Variants in DMD observed in about 807,000 individuals in gnomAD.
The protein encoded by DMD is dystrophin.
DMD carries 63 observed loss-of-function variants against 330.1 expected under a neutral mutation model. The observed-to-expected ratio is 0.19, with a 90% CI of 0.16 to 0.24. The LOEUF (loss-of-function observed/expected upper bound fraction) is 0.24. Among genes scored for constraint, DMD ranks in the 10% least tolerant of loss-of-function variants. The pLI is 1.00. For missense variants in DMD, 3,344 were observed against 2,684.1 expected (o/e 1.25, Z -5.43); for synonymous variants, 1,223 against 959.8 (o/e 1.27, Z -5.07).
chrX:31,983,337 A>G (rs1180241786), intron 44 of DMD, among the ~76,000 whole-genome samples: 4 of 111,268 alleles, frequency 3.6e-5, no homozygotes, highest in Non-Finnish European at 7.6e-5. Context: ...ACAAAACTCA[A>G]TATTTCATTT....
intron 55 of DMD, among the ~76,000 whole-genome samples, chrX:31,529,824 T>C (rs2073573936): frequency 9.1e-6 from 1 of 110,034 alleles, no homozygotes; most frequent in African/African-American, 3.3e-5. Context: ...TGAGCCTGTG[T>C]GTAGCAAAGA....
intron 50 of DMD, among the ~76,000 whole-genome samples, chrX:31,807,772 G>A (rs1356935918): frequency 1.8e-5 from 2 of 111,409 alleles, no homozygotes; most frequent in African/African-American, 6.5e-5. Context: ...ACAAAAGCAT[G>A]CACAATATGG....
intron 50 of DMD, among the ~76,000 whole-genome samples, chrX:31,777,981 T>C (rs2090773700): frequency 8.9e-6 from 1 of 112,201 alleles, no homozygotes; most frequent in South Asian, 3.7e-4. Flanking sequence ...CACCCATGTC[T>C]ATTGTGCATT....
At chrX:32,018,953 G>A (rs2095787737) in intron 44 of DMD, among the ~76,000 whole-genome samples, 1 of 111,703 alleles carries the variant, frequency 9.0e-6, no homozygotes, top group South Asian at 3.7e-4. Flanking sequence ...CCCTTAGAGT[G>A]TCCGTTTCAT....
intron 44 of DMD, among the ~76,000 whole-genome samples, chrX:31,993,523 G>T (rs1277896476): frequency 1.8e-5 from 2 of 111,831 alleles, no homozygotes; most frequent in Admixed American, 9.5e-5. Context: ...ATTGGGTAAG[G>T]CTAGAAGCCA....
intron 42 of DMD, among the ~76,000 whole-genome samples, chrX:32,291,889 T>G (rs1046610678): frequency 5.4e-5 from 6 of 112,118 alleles, no homozygotes; most frequent in Admixed American, 9.5e-5. Flanking sequence ...AGCAAAGAGT[T>G]GTAGTAACTG....
intron 7 of DMD, among the ~76,000 whole-genome samples, chrX:32,763,222 T>C (rs2072546452): frequency 1.8e-5 from 2 of 112,228 alleles, no homozygotes; most frequent in Admixed American, 9.5e-5. Flanking sequence ...TTCAAAAGTA[T>C]TGTTTATTCA....
At chrX:31,961,411 G>GTACT (rs1218973109) in intron 45 of DMD, among the ~76,000 whole-genome samples, 1 of 111,858 alleles carries the variant, frequency 8.9e-6, no homozygotes, top group African/African-American at 3.2e-5. Context: ...AATTAAGAAA[G>GTACT]TACTTACTGG....
chrX:31,202,113 G>A lies in DMD; in HGVS notation c.9807+1848C>T, dbSNP rs189382208. 2.4e-3 allele frequency among the ~76,000 whole-genome samples: 265 copies of A among 111,277 alleles called. 1 individual carries two copies. Among genetic ancestry groups the A allele is most frequent in the Middle Eastern group, 0.014 (3 of 217 alleles). On this transcript the variant is annotated intron_variant, in intron 67 of 78. Transcript: ENST00000357033. ...AGGCATGACAATTGCTTGAACCAGG[G>A]AGGCGGAGGTTGCAGTGAGCCGAGA...
intron 25 of DMD, among the ~76,000 whole-genome samples, chrX:32,456,260 A>C (rs892456174): frequency 1.9e-4 from 21 of 110,876 alleles, no homozygotes; most frequent in Non-Finnish European, 3.8e-5. Flanking sequence ...TTACTTACCT[A>C]GGTAAATGTA....
chrX:31,938,414 TATA>T (rs1215729846), intron 45 of DMD, among the ~76,000 whole-genome samples: 1 of 112,162 alleles, frequency 8.9e-6, no homozygotes, highest in Non-Finnish European at 1.9e-5. Context: ...CCTGTTTACA[TATA>T]ATGTTTAATT....
intron 7 of DMD, among the ~76,000 whole-genome samples, chrX:32,761,036 TCTCAA>T (rs1193811298): frequency 1.8e-5 from 2 of 111,908 alleles, no homozygotes; most frequent in African/African-American, 6.5e-5. Flanking sequence ...TCTCTCTCTC[TCTCAA>T]GTGATTGCAA....
intron 1 of DMD, among the ~76,000 whole-genome samples, chrX:33,029,142 T>C (rs1012011414): frequency 7.2e-5 from 8 of 111,681 alleles, no homozygotes; most frequent in African/African-American, 2.6e-4. Context: ...ATCATACTGC[T>C]CAAACTACTC....
At chrX:31,810,141 T>A (rs2092416520) in intron 50 of DMD, among the ~76,000 whole-genome samples, 1 of 111,363 alleles carries the variant, frequency 9.0e-6, no homozygotes, top group Non-Finnish European at 1.9e-5. Context: ...CATGTAAACG[T>A]AGGAAAAGGG....
chrX:32,527,781 C>G (rs925584691), intron 17 of DMD, among the ~76,000 whole-genome samples: 4 of 110,472 alleles, frequency 3.6e-5, no homozygotes, highest in Non-Finnish European at 5.7e-5. Flanking sequence ...TCCTATTTAA[C>G]CAAAAGAAAA....
chrX:32,385,290 A>C (rs1007999563), intron 33 of DMD, among the ~76,000 whole-genome samples: 2 of 110,902 alleles, frequency 1.8e-5, no homozygotes, highest in Non-Finnish European at 3.8e-5. Context: ...GGGGCCGAGA[A>C]TACACAATGA....
intron 21 of DMD, among the ~76,000 whole-genome samples, chrX:32,481,389 A>G (rs183010759): frequency 1.4e-3 from 157 of 111,376 alleles, no homozygotes; most frequent in Admixed American, 4.8e-3. Flanking sequence ...TTCTTCACAT[A>G]CCAGCTAGAG....
At chrX:32,406,552 C>T (rs773403575) in intron 30 of DMD, among the ~76,000 whole-genome samples, 115 of 110,875 alleles carry the variant, frequency 1.0e-3, no homozygotes, top group African/African-American at 3.7e-3. Context: ...TGCTGGATTA[C>T]GTTTATTGAT....
intron 30 of DMD, among the ~76,000 whole-genome samples, chrX:32,390,739 C>A: frequency 9.0e-6 from 1 of 110,997 alleles, no homozygotes. Flanking sequence ...AGCCTGGTCC[C>A]AAACTCCTGG....
Sources: gnomAD v4.1 joint callset for allele counts (sites outside exome capture counted in the v4.1 genomes callset) on GRCh38, gnomAD v4.1.1 for gene constraint, MANE v1.5 for transcripts, NCBI Gene and HGNC (gene_info 2026-07-23, HGNC 2026-07-21) for gene names.